MARK3: variants seen among roughly 807,000 people sequenced by gnomAD.
MARK3 encodes the protein microtubule affinity regulating kinase 3.
In MARK3, 46 loss-of-function variants were observed where a neutral mutation model predicts 90.1. The observed-to-expected ratio is 0.51, with a 90% CI of 0.40 to 0.65. The LOEUF (loss-of-function observed/expected upper bound fraction) is 0.65. MARK3 is among the 30% of genes least tolerant of loss of function. The pLI is 0.00. For synonymous variants in MARK3, 321 were observed against 332.6 expected (o/e 0.97, Z 0.38); for missense variants, 818 against 947.2 (o/e 0.86, Z 1.79).
chr14:103,416,855 T>C (rs543540377), intron 2 of MARK3, among the ~76,000 whole-genome samples: 3 of 152,308 alleles, frequency 2.0e-5, no homozygotes, highest in Admixed American at 2.0e-4. Context: ...GGGATCCTTA[T>C]GGTAGTAGGA....
intron 3 of MARK3, among the ~76,000 whole-genome samples, chr14:103,447,676 A>G (rs1271702819): frequency 1.3e-5 from 2 of 152,106 alleles, no homozygotes; most frequent in African/African-American, 2.4e-5. Context: ...AATGATAAGA[A>G]CCTGCTCTGA....
chr14:103,430,371 C>G (rs1400599530), intron 3 of MARK3, among the ~76,000 whole-genome samples: 88 of 150,730 alleles, frequency 5.8e-4, no homozygotes, highest in Middle Eastern at 3.4e-3. Context: ...CCCAGCCCCC[C>G]CATCTTCCCC....
At chr14:103,500,865 T>G (rs955691866) in intron 17 of MARK3, among the ~76,000 whole-genome samples, 1 of 152,054 alleles carries the variant, frequency 6.6e-6, no homozygotes, top group African/African-American at 2.4e-5. Flanking sequence ...CAAGTGAACC[T>G]CCCACCTCAA....
chr14:103,396,732 A>C (rs188664594), intron 1 of MARK3, among the ~76,000 whole-genome samples: 3 of 152,158 alleles, frequency 2.0e-5, no homozygotes. Flanking sequence ...TTCATCTCTC[A>C]TAAGAACTCT....
intron 2 of MARK3, among the ~76,000 whole-genome samples, chr14:103,423,003 G>A (rs1443263124): frequency 1.3e-5 from 2 of 152,118 alleles, no homozygotes; most frequent in African/African-American, 4.8e-5. Flanking sequence ...AGAGACACCA[G>A]AACGCTAGCT....
At chr14:103,472,647 C>CAA (rs71126028) in intron 12 of MARK3, among the ~76,000 whole-genome samples, 113 of 72,532 alleles carry the variant, frequency 1.6e-3, no homozygotes, top group African/African-American at 5.7e-3. Context: ...GGCTCCATCT[C>CAA]AAAAAAAAAA....
chr14:103,490,866 G>T, intron 14 of MARK3: 2 of 736,372 alleles, frequency 2.7e-6, no homozygotes, highest in Non-Finnish European at 3.5e-6. Context: ...TGGGAGGAAG[G>T]TGTGTGCATT....
At chr14:103,395,825 G>A (rs1370033403) in intron 1 of MARK3, among the ~76,000 whole-genome samples, 2 of 152,194 alleles carry the variant, frequency 1.3e-5, no homozygotes, top group Admixed American at 6.5e-5. Context: ...GAGAGAGAAT[G>A]CTATTTTGAG....
intron 3 of MARK3, among the ~76,000 whole-genome samples, chr14:103,432,160 T>A (rs2141087930): frequency 6.6e-6 from 1 of 152,314 alleles, no homozygotes; most frequent in African/African-American, 2.4e-5. Context: ...GACTTTTCAA[T>A]GGAGAATTCA....
chr14:103,491,256 T>TA (rs1425191703), intron 14 of MARK3: 15 of 440,116 alleles, frequency 3.4e-5, no homozygotes, highest in Non-Finnish European at 5.5e-5. Flanking sequence ...TCTTTTGTCA[T>TA]GATGTCCTCG....
intron 4 of MARK3, among the ~76,000 whole-genome samples, chr14:103,450,921 C>CTTTTTTTT: frequency 1.9e-5 from 1 of 52,612 alleles, no homozygotes; most frequent in Non-Finnish European, 3.5e-5. Context: ...TGTGTGTATT[C>CTTTTTTTT]TTTTTTTTTT....
intron 14 of MARK3, among the ~76,000 whole-genome samples, chr14:103,488,118 C>A (rs144273129): frequency 6.6e-6 from 1 of 152,048 alleles, no homozygotes; most frequent in Non-Finnish European, 1.5e-5. Flanking sequence ...AAGAAACAAC[C>A]GAGCATTTCT....
At chr14:103,447,837 G>T (rs371553952) in intron 3 of MARK3, among the ~76,000 whole-genome samples, 1 of 151,926 alleles carries the variant, frequency 6.6e-6, no homozygotes, top group Non-Finnish European at 1.5e-5. Flanking sequence ...GTGCAGTGAC[G>T]CCATCAGCTC....
chr14:103,403,283 T>C (rs11621510), intron 1 of MARK3, among the ~76,000 whole-genome samples: 38,991 of 151,516 alleles, frequency 0.26, 6,220 homozygotes, highest in Middle Eastern at 0.44. Context: ...GGATATGGAC[T>C]GCTTTATGCG....
intron 6 of MARK3, among the ~76,000 whole-genome samples, chr14:103,460,347 A>G (rs1252960023): frequency 2.0e-5 from 3 of 151,842 alleles, no homozygotes; most frequent in Non-Finnish European, 1.5e-5. Flanking sequence ...GGCCTCCCAA[A>G]GTGCTGGGAT....
chr14:103,408,494 G>A (rs115321028), intron 2 of MARK3, among the ~76,000 whole-genome samples: 1 of 152,138 alleles, frequency 6.6e-6, no homozygotes, highest in Non-Finnish European at 1.5e-5. Flanking sequence ...TGGCCTGAAT[G>A]TAGTAATACT....
chr14:103,405,304 T>G, intron 2 of MARK3, 37 bp downstream of exon 2: 1 of 1,415,684 alleles, frequency 7.1e-7, no homozygotes, highest in Non-Finnish European at 9.5e-7. Flanking sequence ...TTATGACAGT[T>G]GCTCTGTTTA....
chr14:103,501,381 A>T (rs1474103841), intron 17 of MARK3, among the ~76,000 whole-genome samples: 2 of 152,200 alleles, frequency 1.3e-5, no homozygotes, highest in African/African-American at 4.8e-5. Context: ...GCATCAAGTA[A>T]GTTGGGGCCT....
At chr14:103,397,559 T>C (rs745806924) in intron 1 of MARK3, among the ~76,000 whole-genome samples, 1 of 151,962 alleles carries the variant, frequency 6.6e-6, no homozygotes. Flanking sequence ...ACTCCTGACC[T>C]TGTGATCCTC....
Sources: allele counts gnomAD v4.1 joint callset (sites outside exome capture counted in the v4.1 genomes callset), GRCh38; gene constraint gnomAD v4.1.1; transcripts MANE v1.5; gene names NCBI Gene and HGNC (gene_info 2026-07-23, HGNC 2026-07-21).